LPP: variants seen among roughly 807,000 people sequenced by gnomAD.
LPP encodes the protein lipoma-preferred partner.
Under a neutral mutation model 60.4 loss-of-function variants are expected in LPP, and 38 were observed. The observed-to-expected ratio is 0.63, with a 90% CI of 0.49 to 0.83. The LOEUF (loss-of-function observed/expected upper bound fraction) is 0.83, where lower values mean the gene tolerates loss of function less well. Among genes scored for constraint, LPP ranks in the 40% least tolerant of loss-of-function variants. LPP has a pLI of 0.00. For missense variants in LPP, 902 were observed against 783.6 expected (o/e 1.15, Z -1.80); for synonymous variants, 328 against 290.8 (o/e 1.13, Z -1.30).
intron 1 of LPP, among the ~76,000 whole-genome samples, chr3:188,170,253 G>T (rs535556490): frequency 6.6e-6 from 1 of 152,074 alleles, no homozygotes; most frequent in South Asian, 2.1e-4. Flanking sequence ...TCATTCTCAT[G>T]CTTTGTTTGG....
chr3:188,389,530 C>T (rs138136260), intron 3 of LPP, among the ~76,000 whole-genome samples: 1,534 of 152,240 alleles, frequency 0.01, 30 homozygotes, highest in African/African-American at 0.035. Flanking sequence ...AATCCCAGCA[C>T]TTTGGGAGGC....
chr3:188,164,234 G>A (rs1478935415), intron 1 of LPP, among the ~76,000 whole-genome samples: 4 of 152,076 alleles, frequency 2.6e-5, no homozygotes, highest in Non-Finnish European at 1.5e-5. Context: ...GAATTGCTCT[G>A]GCTACTGAGA....
chr3:188,408,081 C>T (rs1343164179), intron 4 of LPP, among the ~76,000 whole-genome samples: 1 of 152,106 alleles, frequency 6.6e-6, no homozygotes, highest in East Asian at 1.9e-4. Flanking sequence ...AGCCACCGCA[C>T]CTGGCCCTCA....
At chr3:188,573,589 C>T (rs1458341830) in intron 6 of LPP, among the ~76,000 whole-genome samples, 5 of 152,122 alleles carry the variant, frequency 3.3e-5, no homozygotes, top group South Asian at 2.1e-4. Context: ...AGTTTTCTAA[C>T]GTGTAGAAGA....
At position 188,344,189 on chromosome 3, in the gene LPP, G is replaced by A. The variant is rs142389917; in HGVS notation, c.-10+2470G>A. Among the ~76,000 whole-genome samples the A allele has an allele frequency of 3.3e-4, 50 of 152,292 alleles. 2 individuals carry two copies. The East Asian group carries it at 9.6e-3, about 29-fold the overall frequency. ...CACAGGGTGATTCATTAGCAAGGAT[G>A]AATAATACCCAATTAAATCTCATGG... On this transcript the variant is annotated intron_variant, in intron 3 of 11. Coordinates refer to ENST00000617246, the MANE Select transcript of LPP (RefSeq NM_001375462.1).
intron 9 of LPP, among the ~76,000 whole-genome samples, chr3:188,837,382 CATAATAATAATAATA>C (rs57174980): frequency 1.6e-4 from 22 of 140,394 alleles, no homozygotes; most frequent in South Asian, 4.7e-4. Context: ...CCATCTCAAA[CATAATAATAATAATA>C]ATAATAATAA....
At chr3:188,519,668 G>C (rs191899943) in intron 5 of LPP, among the ~76,000 whole-genome samples, 315 of 152,194 alleles carry the variant, frequency 2.1e-3, no homozygotes, top group Non-Finnish European at 3.4e-3. Context: ...GGGGATGTCG[G>C]GGGGTGGTTT....
chr3:188,377,460 C>T (rs920443773), intron 3 of LPP, among the ~76,000 whole-genome samples: 3 of 152,108 alleles, frequency 2.0e-5, no homozygotes, highest in Admixed American at 1.3e-4. Context: ...TTCATTTTGT[C>T]GTCCATCACT....
intron 2 of LPP, among the ~76,000 whole-genome samples, chr3:188,262,207 A>G (rs1353039050): frequency 2.0e-5 from 3 of 152,170 alleles, no homozygotes; most frequent in Non-Finnish European, 4.4e-5. Flanking sequence ...TTCCTTTACA[A>G]AAATGAGGAG....
intron 8 of LPP, among the ~76,000 whole-genome samples, chr3:188,720,606 TAAA>T (rs535969624): frequency 1.6e-4 from 21 of 127,878 alleles, no homozygotes; most frequent in Non-Finnish European, 2.0e-4. Context: ...CCGAGGCAAT[TAAA>T]AAAAAAAAAA....
At chr3:188,365,568 T>C (rs1307765989) in intron 3 of LPP, among the ~76,000 whole-genome samples, 1 of 152,140 alleles carries the variant, frequency 6.6e-6, no homozygotes, top group Non-Finnish European at 1.5e-5. Context: ...CAAGAGGTAG[T>C]TATTCGAGCA....
At position 188,609,651 on chromosome 3, in the gene LPP, A is replaced by T. The variant is rs751715162; in HGVS notation, c.920A>T (p.Tyr307Phe). 1.2e-6 allele frequency: 2 copies of T among 1,614,132 alleles called. No homozygotes were observed. Among genetic ancestry groups the T allele is most frequent in the South Asian group, 2.2e-5 (2 of 91,076 alleles). ...YEGYYAAGPG[Y>F]GGRNDSDPTY... ...GGCTACTATGCAGCAGGGCCAGGCT[A>T]TGGGGGCAGAAATGACTCTGACCCT... The change falls in exon 7 of 12, where the codon TAT (tyrosine) becomes TTT (phenylalanine). Residue 307 changes from tyrosine (Y) to phenylalanine (F), a missense_variant. Physicochemically the swap from Tyr to Phe is conservative, Grantham distance 22. Transcript: ENST00000617246. This position sits in a 1 kb window ranked among gnomAD's most constrained non-coding sequence, Gnocchi z 6.9.
chr3:188,659,300 T>C (rs1239149128), intron 7 of LPP, among the ~76,000 whole-genome samples: 1 of 152,218 alleles, frequency 6.6e-6, no homozygotes, highest in Non-Finnish European at 1.5e-5. Flanking sequence ...AGACCTAGAC[T>C]CAGTTGCTTT....
At chr3:188,367,364 A>C (rs905165247) in intron 3 of LPP, among the ~76,000 whole-genome samples, 1 of 152,190 alleles carries the variant, frequency 6.6e-6, no homozygotes, top group Non-Finnish European at 1.5e-5. Flanking sequence ...AAATCTCAAG[A>C]AGTAGAAATC....
chr3:188,728,753 T>G (rs758086892), intron 8 of LPP, among the ~76,000 whole-genome samples: 1 of 152,182 alleles, frequency 6.6e-6, no homozygotes, highest in Non-Finnish European at 1.5e-5. Flanking sequence ...TGAGTTGGTA[T>G]GTCTACTAAT....
chr3:188,674,868 G>A (rs576974920), intron 7 of LPP, among the ~76,000 whole-genome samples: 1 of 152,130 alleles, frequency 6.6e-6, no homozygotes, highest in Non-Finnish European at 1.5e-5. Context: ...ACCTTCCGAG[G>A]CTGTGACATA....
chr3:188,834,124 C>T lies in LPP; in HGVS notation c.1411-32076C>T, dbSNP rs1309032301. 2.6e-5 allele frequency among the ~76,000 whole-genome samples: 4 copies of T among 152,102 alleles called. No homozygotes were observed. In the South Asian group the frequency reaches 6.2e-4, roughly 24 times the overall value. On this transcript the variant is annotated intron_variant, in intron 9 of 11. Coordinates refer to ENST00000617246, the MANE Select transcript of LPP (RefSeq NM_001375462.1). ...CTATAGCCTTTGATACTTGGTCCTA[C>T]AAAGTTTTCTTCCCCTTTGGTCTGA... is the stretch of plus-strand genomic sequence containing the variant.
chr3:188,160,969 A>C (rs910227820), intron 1 of LPP, among the ~76,000 whole-genome samples: 1 of 152,212 alleles, frequency 6.6e-6, no homozygotes, highest in African/African-American at 2.4e-5. Flanking sequence ...AGGAGTTTAC[A>C]TGGTGGATAG....
intron 9 of LPP, 145 bp downstream of exon 9, chr3:188,760,427 T>TGTG (rs2150483807): frequency 2.7e-6 from 2 of 733,682 alleles, no homozygotes; most frequent in Non-Finnish European, 4.4e-6. Context: ...TGTGTGTGTG[T>TGTG]GTGTGTGTGC....
Sources: allele counts gnomAD v4.1 joint callset (sites outside exome capture counted in the v4.1 genomes callset), GRCh38; gene constraint gnomAD v4.1.1; non-coding constraint Gnocchi (gnomAD v3.1); transcripts MANE v1.5; gene names NCBI Gene and HGNC (gene_info 2026-07-23, HGNC 2026-07-21).